Variants in BSCL2 observed in about 807,000 individuals in gnomAD.
BSCL2 encodes the protein seipin.
In BSCL2, 41 loss-of-function variants were observed where a neutral mutation model predicts 57.4. The observed-to-expected ratio is 0.71, with a 90% CI of 0.56 to 0.93. The LOEUF (loss-of-function observed/expected upper bound fraction) is 0.93, where lower values mean the gene tolerates loss of function less well. BSCL2 is among the 40% of genes least tolerant of loss of function. BSCL2 has a pLI of 0.00. For synonymous variants in BSCL2, 237 were observed against 227.3 expected (o/e 1.04, Z -0.38); for missense variants, 539 against 586.7 (o/e 0.92, Z 0.84).
chr11:62,698,088 T>C (rs977257103), intron 3 of BSCL2, among the ~76,000 whole-genome samples: 1 of 151,750 alleles, frequency 6.6e-6, no homozygotes, highest in Admixed American at 6.6e-5. Flanking sequence ...TTTGTATTTT[T>C]AGTAGAGACA....
At chr11:62,691,018 T>TA (rs1945295000) in intron 8 of BSCL2, 57 bp downstream of exon 8, 1 of 1,601,346 alleles carries the variant, frequency 6.2e-7, no homozygotes, top group African/African-American at 1.3e-5. Flanking sequence ...GGACTCCTTC[T>TA]GGCCCAGCCC....
upstream of BSCL2, chr11:62,708,831 C>G: frequency 6.4e-7 from 1 of 1,573,814 alleles, no homozygotes; most frequent in Non-Finnish European, 8.7e-7. Context: ...TCTCACAACT[C>G]CTCCCTTTTC....
intron 1 of BSCL2, 147 bp downstream of exon 1, chr11:62,706,962 T>C (rs2083550410): frequency 1.4e-6 from 1 of 715,722 alleles, no homozygotes; most frequent in Non-Finnish European, 2.4e-6. Context: ...CAGTGTTGTG[T>C]ACATCTTTGC....
At chr11:62,695,583 C>T (rs1253447032) in intron 3 of BSCL2, among the ~76,000 whole-genome samples, 3 of 151,572 alleles carry the variant, frequency 2.0e-5, no homozygotes, top group East Asian at 1.9e-4. Context: ...TGGTGGCAGG[C>T]GCCTGTAATC....
At position 62,694,726 on chromosome 11, in the gene BSCL2, C is replaced by A; in HGVS notation, c.487-15G>T. ...TACATCAGCACCTGCCAAAGGTAGC[C>A]CCCATTTCTTTAAAAAAATTTTTTT... is the stretch of plus-strand genomic sequence containing the variant. On this transcript the variant is annotated splice_polypyrimidine_tract_variant and intron_variant, in intron 3 of 10. Transcript: ENST00000360796. The A allele has an allele frequency of 6.2e-7, 1 of 1,613,430 alleles. No individual in the cohort carries two copies. The highest frequency in any genetic ancestry group is 8.5e-7 in the Non-Finnish European group (1 of 1,179,696).
intron 6 of BSCL2, 43 bp downstream of exon 6, chr11:62,692,333 C>T (rs1945333428): frequency 6.3e-7 from 1 of 1,592,342 alleles, no homozygotes; most frequent in Non-Finnish European, 8.6e-7. Flanking sequence ...AAGGTTAGCC[C>T]CCGTGAAGAG....
intron 3 of BSCL2, among the ~76,000 whole-genome samples, chr11:62,695,588 G>A (rs542875410): frequency 6.6e-6 from 1 of 151,758 alleles, no homozygotes; most frequent in East Asian, 2.0e-4. Flanking sequence ...GCAGGCGCCT[G>A]TAATCTCAGC....
At chr11:62,706,319 G>A in intron 1 of BSCL2, 3 of 1,123,842 alleles carry the variant, frequency 2.7e-6, no homozygotes, top group Non-Finnish European at 3.3e-6. Flanking sequence ...GGGAAGTCCC[G>A]CCCCTCTCCG....
chr11:62,702,036 T>C (rs981863899), intron 3 of BSCL2, among the ~76,000 whole-genome samples: 1 of 150,968 alleles, frequency 6.6e-6, no homozygotes, highest in Non-Finnish European at 1.5e-5. Context: ...CAATTAATTT[T>C]AATTTCTTTT....
At chr11:62,693,654 G>A (rs1945370187) in intron 4 of BSCL2, among the ~76,000 whole-genome samples, 1 of 152,120 alleles carries the variant, frequency 6.6e-6, no homozygotes, top group Admixed American at 6.6e-5. Flanking sequence ...GTGACCCACA[G>A]CTAGCTTGTT....
chr11:62,702,750 AATGT>A lies in BSCL2; in HGVS notation c.405-205_405-202del, dbSNP rs113202502. On this transcript the variant is annotated intron_variant, in intron 2 of 10. Transcript: ENST00000360796. ...TATTTCATTCTCTTCCTATGACTTC[AATGT>A]ATGTCCTCTCATTACAACAGATGTT... Among the ~76,000 whole-genome samples, 991 of 152,242 alleles carry A rather than the reference AATGT, an allele frequency of 6.5e-3. 13 individuals are homozygous for A. Among genetic ancestry groups the A allele is most frequent in the African/African-American group, 0.023 (941 of 41,542 alleles).
At chr11:62,704,898 T>C (rs1945773399) in intron 2 of BSCL2, among the ~76,000 whole-genome samples, 1 of 152,182 alleles carries the variant, frequency 6.6e-6, no homozygotes, top group Non-Finnish European at 1.5e-5. Context: ...TTTCAGGGAC[T>C]GAGAGGCAGT....
Position 62,697,536 on chromosome 11 carries a change from C to A in BSCL2, c.487-2825G>T, listed in dbSNP as rs529678150. 2.6e-5 allele frequency: 4 copies of A among 152,050 alleles called. No individual in the cohort carries two copies. The East Asian group carries it at 5.8e-4, about 22-fold the overall frequency. 9.4% of individuals were successfully genotyped at this position (152,050 alleles called of 1,614,324 possible). On this transcript the variant is annotated intron_variant, in intron 3 of 10. Transcript: ENST00000360796. Reference sequence around the variant, plus strand: ...GGCACAGTGGCTCATGCCTGTAATCCCAGCACTTTGGGAGGCCAAGGCAGG... The same window carrying A: ...GGCACAGTGGCTCATGCCTGTAATCACAGCACTTTGGGAGGCCAAGGCAGG...
At chr11:62,701,829 GAA>G (rs139041776) in intron 3 of BSCL2, among the ~76,000 whole-genome samples, 11 of 120,976 alleles carry the variant, frequency 9.1e-5, no homozygotes, top group Non-Finnish European at 3.5e-5. Flanking sequence ...AGACTGTCTG[GAA>G]AAAAAAAAAA....
Position 62,691,115 on chromosome 11 carries a change from G to A in BSCL2, c.1032C>T (p.Ser344=). ...LQVNIRKRDN[S]RKEVQRRISA... is the part of the protein sequence containing the mutation. The stretch of plus-strand genomic sequence containing the variant: ...AGATCCTTCGTTGGACTTCCTTCCG[G>A]GAATTGTCTCTTTTTCGGATGTTAA... The change falls in exon 8 of 11, where the codon TCC becomes TCT. Residue 344 remains serine, a synonymous_variant. Coordinates refer to ENST00000360796, the MANE Select transcript of BSCL2 (RefSeq NM_001122955.4). 6.2e-7 allele frequency: 1 copy of A among 1,614,172 alleles called. No homozygotes were observed. Among genetic ancestry groups the A allele is most frequent in the Non-Finnish European group, 8.5e-7 (1 of 1,180,028 alleles).
chr11:62,707,041 C>A, intron 1 of BSCL2, 68 bp downstream of exon 1: 1 of 1,353,616 alleles, frequency 7.4e-7, no homozygotes, highest in South Asian at 1.3e-5. Flanking sequence ...TCCATCCCCC[C>A]GCCCCCTTCA....
chr11:62,690,648 T>C lies in BSCL2; in HGVS notation c.1198A>G (p.Ser400Gly), dbSNP rs1283926084. The change falls in exon 10 of 11, where the codon AGC (serine) becomes GGC (glycine). Residue 400 changes from serine to glycine, a missense_variant. Around this residue, in one of 3 missense-constraint regions of BSCL2, gnomAD observed 248 missense variants for 239.9 expected, o/e 1.03. Transcript: ENST00000360796. ...TCAGGCTCTAGCTCCTCTTCTCCGC[T>C]CAGGGGCTGCTGATCTGGTTTCTCC... is the stretch of plus-strand genomic sequence containing the variant. The part of the protein sequence containing the change: ...EEEKPDQQPL[S>G]GEEELEPEAS... 1 of 1,613,944 alleles carries C rather than the reference T, an allele frequency of 6.2e-7. No individual in the cohort carries two copies. The highest frequency in any genetic ancestry group is 1.3e-5 in the African/African-American group (1 of 75,072).
Position 62,707,200 on chromosome 11 carries a change from C to T in BSCL2, c.-5G>A. On this transcript the variant is annotated 5_prime_UTR_variant, in exon 1 of 11. Transcript: ENST00000360796. ...GTCTACCTTTTCTGTAGACATCTTC[C>T]TGACGAGCCTCTGTTGACTCTGGAT... The T allele has an allele frequency of 6.4e-7, 1 of 1,552,136 alleles. No homozygotes were observed. The highest frequency in any genetic ancestry group is 8.7e-7 in the Non-Finnish European group (1 of 1,147,076).
chr11:62,703,915 G>A (rs1273650188), intron 2 of BSCL2, among the ~76,000 whole-genome samples: 3 of 146,190 alleles, frequency 2.1e-5, no homozygotes, highest in Non-Finnish European at 3.0e-5. Flanking sequence ...TCAGGAGTTC[G>A]AGATCAGCCT....
Sources: gnomAD v4.1 joint callset for allele counts (sites outside exome capture counted in the v4.1 genomes callset) on GRCh38, gnomAD v4.1.1 for gene constraint, gnomAD v4.1.1 regional missense constraint, MANE v1.5 for transcripts, NCBI Gene and HGNC (gene_info 2026-07-23, HGNC 2026-07-21) for gene names.